The following ZNF607 variants were observed in gnomAD, a reference collection of about 807,000 sequenced individuals.
The protein encoded by ZNF607 is zinc finger protein 607.
ZNF607 carries 5 observed loss-of-function variants against 12.8 expected under a neutral mutation model. The ratio of observed to expected loss-of-function variants is 0.39; its 90% CI spans 0.20 to 0.82. The LOEUF (loss-of-function observed/expected upper bound fraction) is 0.82, where lower values mean the gene tolerates loss of function less well. ZNF607 is among the 40% of genes least tolerant of loss of function. The pLI is 0.39. For synonymous variants in ZNF607, 287 were observed against 276.2 expected (o/e 1.04, Z -0.39); for missense variants, 851 against 859.2 (o/e 0.99, Z 0.12).
intron 1 of ZNF607, among the ~76,000 whole-genome samples, chr19:37,716,312 C>T (rs1339207228): frequency 6.6e-6 from 1 of 152,152 alleles, no homozygotes; most frequent in Non-Finnish European, 1.5e-5. Context: ...GAAGGTTAAG[C>T]GGAGGTCATT....
At chr19:37,702,409 A>G (rs1211127222) in intron 4 of ZNF607, among the ~76,000 whole-genome samples, 2 of 152,150 alleles carry the variant, frequency 1.3e-5, no homozygotes, top group African/African-American at 4.8e-5. Flanking sequence ...AAAATATCTC[A>G]GGAAATAGCA....
intron 1 of ZNF607, among the ~76,000 whole-genome samples, chr19:37,714,309 C>CAAA (rs2145248802): frequency 1.6e-5 from 1 of 63,494 alleles, no homozygotes; most frequent in Admixed American, 1.7e-4. Context: ...GACTCCGTCT[C>CAAA]AAAACAACAA....
chr19:37,698,163 AC>A lies in ZNF607; in HGVS notation c.1967del (p.Ser656IlefsTer68). Reference protein sequence around the residue: ...MCEECGKAFNSSHELSIHHRV... With the variant: ...MCEECGKAFNXSHELSIHHRV... ...TATGATGTATACTAAGTTCATGGCT[AC>A]TATTAAAAGCTTTCCCACACTCTTC... On this transcript the variant is annotated frameshift_variant, in exon 5 of 5. Coordinates refer to ENST00000355202, the MANE Select transcript of ZNF607 (RefSeq NM_032689.5). LOFTEE classifies it low-confidence loss of function (END_TRUNC). 1 of 1,614,156 alleles carries A rather than the reference AC, an allele frequency of 6.2e-7. No individual in the cohort carries two copies. Among genetic ancestry groups the A allele is most frequent in the Middle Eastern group, 1.6e-4 (1 of 6,062 alleles).
intron 1 of ZNF607, among the ~76,000 whole-genome samples, chr19:37,718,583 C>A (rs1036589906): frequency 6.6e-6 from 1 of 152,154 alleles, no homozygotes; most frequent in African/African-American, 2.4e-5. Flanking sequence ...ACAAACCCTG[C>A]CAGACCAAAT....
At position 37,699,321 on chromosome 19, in the gene ZNF607, T is replaced by G. The variant is rs773273921; in HGVS notation, c.810A>C (p.Val270=). ...KSFRLKAGLK[V]HQSIHTGEKP... ...TCTCTCCAGTATGAATACTCTGATG[T>G]ACTTTAAGGCCTGCTTTGAGCCTAA... The change falls in exon 5 of 5, where the codon GTA becomes GTC. Residue 270 remains valine (V), a synonymous_variant. Transcript: ENST00000355202. 1 of 1,613,928 alleles carries G rather than the reference T, an allele frequency of 6.2e-7. No individual in the cohort carries two copies.
chr19:37,701,870 G>A (rs1044286620), intron 4 of ZNF607, among the ~76,000 whole-genome samples: 1 of 152,076 alleles, frequency 6.6e-6, no homozygotes, highest in Admixed American at 6.6e-5. Context: ...TATAACCATG[G>A]GGGGGAGACA....
intron 1 of ZNF607, among the ~76,000 whole-genome samples, chr19:37,714,217 G>A (rs544420966): frequency 1.3e-4 from 19 of 151,990 alleles, no homozygotes; most frequent in Non-Finnish European, 5.9e-5. Context: ...AGCCACTTGG[G>A]AGGCTGAGGC....
At chr19:37,707,869 C>T (rs377713874) in intron 4 of ZNF607, 45 bp downstream of exon 4, 54 of 1,442,834 alleles carry the variant, frequency 3.7e-5, no homozygotes, top group Non-Finnish European at 4.9e-5. Flanking sequence ...TCCACGAGGG[C>T]TATTTGCATA....
rs867936075 is a variant in ZNF607 at position 37,707,959 on chromosome 19, CTT to C, written c.188_189del (p.Lys63ArgfsTer22). 7 of 1,613,978 alleles carry C rather than the reference CTT, an allele frequency of 4.3e-6. No homozygotes were observed. The highest frequency in any genetic ancestry group is 1.3e-5 in the African/African-American group (1 of 74,918). On this transcript the variant is annotated frameshift_variant, in exon 4 of 5. Coordinates refer to ENST00000355202, the MANE Select transcript of ZNF607 (RefSeq NM_032689.5). LOFTEE classifies it low-confidence loss of function (END_TRUNC). ...TCTTCCCTCACAATCATCCATGGCTCTTTTCCTTGCTCCAATAAGGTGATTAA... is the reference window on the plus strand; with the variant it reads ...TCTTCCCTCACAATCATCCATGGCTCTTCCTTGCTCCAATAAGGTGATTAA... ...PDLITLLEQG[K>X]EPWMIVREET...
At chr19:37,701,553 C>T (rs1030697290) in intron 4 of ZNF607, among the ~76,000 whole-genome samples, 3 of 152,302 alleles carry the variant, frequency 2.0e-5, no homozygotes, top group South Asian at 4.1e-4. Flanking sequence ...GCAGGGGACA[C>T]GTGCGTCAGG....
intron 1 of ZNF607, among the ~76,000 whole-genome samples, chr19:37,714,551 G>A (rs1192186888): frequency 1.6e-5 from 2 of 125,390 alleles, no homozygotes; most frequent in African/African-American, 6.4e-5. Flanking sequence ...ATGGCAGAGT[G>A]AGACCCCATC....
intron 1 of ZNF607, among the ~76,000 whole-genome samples, chr19:37,712,417 G>C (rs184868586): frequency 1.2e-4 from 19 of 152,216 alleles, no homozygotes; most frequent in African/African-American, 4.6e-4. Flanking sequence ...AGGCTGAGGC[G>C]AGAGGATCAC....
chr19:37,698,678 C>G lies in ZNF607; in HGVS notation c.1453G>C (p.Gly485Arg), dbSNP rs199743809. Residue 485 changes from glycine (G) to arginine (R), a missense_variant, in exon 5 of 5, where the codon GGT becomes CGT. Physicochemically the swap from Gly to Arg is moderately radical, Grantham distance 125. Coordinates refer to ENST00000355202, the MANE Select transcript of ZNF607 (RefSeq NM_032689.5). ...KPYVCQECGK[G>R]FSYSHKLTIH... ...GTGAGTTTATGGCTATAACTAAAAC[C>G]CTTCCCACACTCTTGACATACATAG... The G allele has an allele frequency of 1.2e-6, 2 of 1,612,444 alleles. No individual in the cohort carries two copies. The highest frequency in any genetic ancestry group is 4.5e-5 in the East Asian group (2 of 44,804).
At chr19:37,711,990 A>T (rs1459498196) in intron 1 of ZNF607, among the ~76,000 whole-genome samples, 1 of 152,224 alleles carries the variant, frequency 6.6e-6, no homozygotes, top group African/African-American at 2.4e-5. Context: ...CAGATTAGGC[A>T]GCCCTGTCCT....
chr19:37,697,272 C>G lies in ZNF607; in HGVS notation c.*768G>C, dbSNP rs950975321. ...TTCCCCTACCACAATGTTCTGTACT[C>G]CACGGAATTGGTCAAAGATGGCAGC... is the stretch of plus-strand genomic sequence containing the variant. On this transcript the variant is annotated 3_prime_UTR_variant, in exon 5 of 5. Transcript: ENST00000355202. The G allele has an allele frequency of 3.7e-6, 3 of 813,058 alleles. No homozygotes were observed. The highest frequency in any genetic ancestry group is 4.4e-6 in the Non-Finnish European group (2 of 458,574). 50.4% of individuals were successfully genotyped at this position (813,058 alleles called of 1,614,324 possible).
At chr19:37,715,559 C>A (rs911302162) in intron 1 of ZNF607, among the ~76,000 whole-genome samples, 1 of 150,338 alleles carries the variant, frequency 6.7e-6, no homozygotes, top group Non-Finnish European at 1.5e-5. Context: ...GAGCTGAGAT[C>A]ATGCCATTGC....
chr19:37,698,447 C>G lies in ZNF607; in HGVS notation c.1684G>C (p.Glu562Gln). 1 of 1,614,002 alleles carries G rather than the reference C, an allele frequency of 6.2e-7. No individual in the cohort carries two copies. The highest frequency in any genetic ancestry group is 8.5e-7 in the Non-Finnish European group (1 of 1,179,976). Residue 562 changes from glutamate (E) to glutamine (Q), a missense_variant, in exon 5 of 5, where the codon GAA becomes CAA. By Grantham distance (29) the Glu-to-Gln change is conservative. Transcript: ENST00000355202. ...QNIHSAEKPY[E>Q]CKECGKAFRH... ...AAGGCCTTGCCACATTCCTTACATTCGTAGGGTTTCTCAGCGCTATGAATA... is the reference window on the plus strand; with the variant it reads ...AAGGCCTTGCCACATTCCTTACATTGGTAGGGTTTCTCAGCGCTATGAATA...
chr19:37,699,457 T>C lies in ZNF607; in HGVS notation c.674A>G (p.Tyr225Cys). ...GGCCTTGCCACATTCCTTACATTCGTAGGGTTTCTCACCATAATGAAATCT... is the reference window on the plus strand; with the variant it reads ...GGCCTTGCCACATTCCTTACATTCGCAGGGTTTCTCACCATAATGAAATCT... Reference protein sequence around the residue: ...HHRFHYGEKPYECKECGKAFS... With the variant: ...HHRFHYGEKPCECKECGKAFS... Residue 225 changes from tyrosine to cysteine, a missense_variant, in exon 5 of 5, where the codon TAC (tyrosine) becomes TGC (cysteine). Transcript: ENST00000355202. 1 of 1,614,026 alleles carries C rather than the reference T, an allele frequency of 6.2e-7. No individual in the cohort carries two copies. The highest frequency in any genetic ancestry group is 8.5e-7 in the Non-Finnish European group (1 of 1,179,930).
chr19:37,716,053 C>T (rs1246098893), intron 1 of ZNF607, among the ~76,000 whole-genome samples: 2 of 152,104 alleles, frequency 1.3e-5, no homozygotes, highest in Admixed American at 6.5e-5. Context: ...CCTGGTAGCT[C>T]CCTCTCCTCT....
Sources: allele counts gnomAD v4.1 joint callset (sites outside exome capture counted in the v4.1 genomes callset), GRCh38; gene constraint gnomAD v4.1.1; transcripts MANE v1.5; gene names NCBI Gene and HGNC (gene_info 2026-07-23, HGNC 2026-07-21).